The following CYTH3 variants were observed in gnomAD, a reference collection of about 807,000 sequenced individuals.
CYTH3 encodes the protein cytohesin-3.
CYTH3 carries 23 observed loss-of-function variants against 55.1 expected under a neutral mutation model. The ratio of observed to expected loss-of-function variants is 0.42; its 90% confidence interval spans 0.30 to 0.59. The LOEUF is 0.59. CYTH3 is among the 20% of genes least tolerant of loss of function. The pLI, the probability that CYTH3 is intolerant of heterozygous loss-of-function variation, is 0.20. For missense variants in CYTH3, 413 were observed against 524.8 expected (o/e 0.79, Z 2.08); for synonymous variants, 249 against 194.9 (o/e 1.28, Z -2.31).
intron 1 of CYTH3, among the ~76,000 whole-genome samples, chr7:6,271,156 C>G (rs1780640943): frequency 6.6e-6 from 1 of 152,162 alleles, no homozygotes; most frequent in African/African-American, 2.4e-5. Flanking sequence ...CCACAGCGCT[C>G]CCATCAACAC....
chr7:6,234,656 A>T (rs1460123896), intron 1 of CYTH3, among the ~76,000 whole-genome samples: 1 of 152,144 alleles, frequency 6.6e-6, no homozygotes, highest in East Asian at 1.9e-4. Flanking sequence ...AGCTGTACTT[A>T]GTGAGTAAGA....
chr7:6,241,638 C>T (rs950004377), intron 1 of CYTH3, among the ~76,000 whole-genome samples: 27 of 152,114 alleles, frequency 1.8e-4, no homozygotes, highest in African/African-American at 6.3e-4. Context: ...AGATTAGAAA[C>T]AATCCAAGTG....
chr7:6,243,128 A>C (rs575174650), intron 1 of CYTH3, among the ~76,000 whole-genome samples: 27 of 152,344 alleles, frequency 1.8e-4, no homozygotes, highest in African/African-American at 6.5e-4. Context: ...AAACTTGTCA[A>C]GCCAGCAACT....
intron 4 of CYTH3, among the ~76,000 whole-genome samples, chr7:6,181,275 C>T (rs1783496746): frequency 6.6e-6 from 1 of 152,096 alleles, no homozygotes; most frequent in Non-Finnish European, 1.5e-5. Flanking sequence ...CCTTTTTTAT[C>T]CTATGTAGTC....
intron 9 of CYTH3, among the ~76,000 whole-genome samples, chr7:6,168,631 G>A (rs1783081630): frequency 6.6e-6 from 1 of 152,182 alleles, no homozygotes; most frequent in South Asian, 2.1e-4. Context: ...GCCCCTCCAG[G>A]GCCCCTGCGC....
At chr7:6,188,578 T>C (rs1422105099) in intron 2 of CYTH3, 1 of 152,144 alleles carries the variant, frequency 6.6e-6, no homozygotes. Flanking sequence ...TCACCTTGAA[T>C]GAGATGAAGC....
At chr7:6,250,908 A>T (rs894720250) in intron 1 of CYTH3, among the ~76,000 whole-genome samples, 3 of 152,248 alleles carry the variant, frequency 2.0e-5, no homozygotes, top group African/African-American at 7.2e-5. Flanking sequence ...TCGCTCCTGT[A>T]ATATTTCACT....
intron 1 of CYTH3, among the ~76,000 whole-genome samples, chr7:6,239,251 G>A (rs978165520): frequency 6.6e-6 from 1 of 152,084 alleles, no homozygotes; most frequent in African/African-American, 2.4e-5. Flanking sequence ...GAGGGGAGGG[G>A]AGAGGAGAGA....
At chr7:6,202,254 C>G (rs916473906) in intron 1 of CYTH3, among the ~76,000 whole-genome samples, 25 of 152,156 alleles carry the variant, frequency 1.6e-4, no homozygotes, top group Non-Finnish European at 3.2e-4. Context: ...AGAAACCACA[C>G]GGAAGAGTCC....
intron 4 of CYTH3, among the ~76,000 whole-genome samples, chr7:6,180,077 G>C (rs1282697504): frequency 6.6e-6 from 1 of 152,222 alleles, no homozygotes; most frequent in Non-Finnish European, 1.5e-5. Context: ...TGAGGCCGGT[G>C]GAGAAGCCAG....
At chr7:6,183,815 T>G (rs1445724046) in intron 4 of CYTH3, among the ~76,000 whole-genome samples, 1 of 151,138 alleles carries the variant, frequency 6.6e-6, no homozygotes, top group Non-Finnish European at 1.5e-5. Flanking sequence ...AGGTAATCAG[T>G]GTTACATGAG....
rs1157071439 is a variant in CYTH3, at chr7:6,198,122, A to C, written c.35-7591T>G. ...AAAAAAAAAAAAAAGGAAAAAAAAA[A>C]CTTTCAGGTATTAAGTGGCTAGTAA... is the stretch of plus-strand genomic sequence containing the variant. On this transcript the variant is annotated intron_variant, in intron 1 of 12. Transcript: ENST00000350796. 1.3e-4 allele frequency among the ~76,000 whole-genome samples: 18 copies of C among 137,654 alleles called. 1 individual carries two copies. Among genetic ancestry groups the C allele is most frequent in the Non-Finnish European group, 1.6e-5 (1 of 62,276 alleles). 90.3% of individuals were successfully genotyped at this position (137,654 alleles called of 152,430 possible).
Position 6,171,188 on chromosome 7 carries a change from G to A in CYTH3, c.562+14C>T, listed in dbSNP as rs1024591310. 11 of 1,613,678 alleles carry A rather than the reference G, an allele frequency of 6.8e-6. No homozygotes were observed. Among genetic ancestry groups the A allele is most frequent in the Non-Finnish European group, 9.3e-6 (11 of 1,179,728 alleles). On this transcript the variant is annotated intron_variant, in intron 7 of 12. Coordinates refer to ENST00000350796, the MANE Select transcript of CYTH3 (RefSeq NM_004227.4). The surrounding 1 kb of genome is among the most constrained non-coding windows in gnomAD (Gnocchi z 6.7). Reference sequence around the variant, plus strand: ...GTGCCTGGCAAGGGGCCAGGCTGTGGGCTCTGCACTGACCTGTGGACTGGA... The same window carrying A: ...GTGCCTGGCAAGGGGCCAGGCTGTGAGCTCTGCACTGACCTGTGGACTGGA...
intron 1 of CYTH3, among the ~76,000 whole-genome samples, chr7:6,224,017 T>G (rs967593985): frequency 3.3e-5 from 5 of 152,066 alleles, no homozygotes; most frequent in Non-Finnish European, 5.9e-5. Flanking sequence ...GATTCACAAC[T>G]GTTATCCTAT....
intron 1 of CYTH3, among the ~76,000 whole-genome samples, chr7:6,224,609 G>C (rs1051014036): frequency 2.6e-5 from 4 of 152,234 alleles, no homozygotes; most frequent in Non-Finnish European, 5.9e-5. Flanking sequence ...TACATTGCTG[G>C]CGTGAATGGA....
chr7:6,209,863 G>A (rs894139516), intron 1 of CYTH3, among the ~76,000 whole-genome samples: 6 of 152,124 alleles, frequency 3.9e-5, no homozygotes, highest in African/African-American at 1.2e-4. Context: ...ATATGAAAAG[G>A]CTACATATTG....
chr7:6,270,082 T>C (rs1780612995), intron 1 of CYTH3, among the ~76,000 whole-genome samples: 1 of 152,240 alleles, frequency 6.6e-6, no homozygotes, highest in Admixed American at 6.5e-5. Flanking sequence ...ACTTTATTTT[T>C]TTAAACATGA....
intron 1 of CYTH3, among the ~76,000 whole-genome samples, chr7:6,215,742 C>T (rs753173171): frequency 2.6e-5 from 4 of 152,108 alleles, no homozygotes; most frequent in Admixed American, 1.3e-4. Flanking sequence ...AACCCAGAGA[C>T]CTATGCCAAG....
intron 1 of CYTH3, among the ~76,000 whole-genome samples, chr7:6,242,221 C>T (rs1311229002): frequency 4.0e-5 from 6 of 151,788 alleles, no homozygotes; most frequent in East Asian, 1.9e-4. Context: ...GGACTACAGG[C>T]GCCCACCACT....
Sources: gnomAD v4.1 joint callset for allele counts (sites outside exome capture counted in the v4.1 genomes callset) on GRCh38, gnomAD v4.1.1 for gene constraint, Gnocchi (gnomAD v3.1) non-coding constraint, MANE v1.5 for transcripts, NCBI Gene and HGNC (gene_info 2026-07-23, HGNC 2026-07-21) for gene names.